Variants in NIPBL observed in about 807,000 individuals in gnomAD.
The protein encoded by NIPBL is NIPBL cohesin loading factor, also known as nipped-B-like protein.
NIPBL carries 19 observed loss-of-function variants against 321.8 expected under a neutral mutation model. The observed-to-expected ratio is 0.06, with a 90% CI of 0.04 to 0.09. The LOEUF is 0.09. NIPBL is among the 10% of genes least tolerant of loss of function. NIPBL has a pLI of 1.00. For missense variants in NIPBL, 2,210 were observed against 3,327.0 expected (o/e 0.66, Z 8.26); for synonymous variants, 1,106 against 1,114.1 (o/e 0.99, Z 0.14).
chr5:36,978,365 T>A (rs1183423165), intron 9 of NIPBL, among the ~76,000 whole-genome samples: 1 of 152,146 alleles, frequency 6.6e-6, no homozygotes, highest in Non-Finnish European at 1.5e-5. Flanking sequence ...GAGCATTTTT[T>A]AAAATGTTTG....
chr5:36,878,671 C>T (rs1745277989), intron 1 of NIPBL, among the ~76,000 whole-genome samples: 1 of 152,142 alleles, frequency 6.6e-6, no homozygotes, highest in Admixed American at 6.5e-5. Flanking sequence ...TTGAGTTTAG[C>T]GTCCTGATTA....
intron 29 of NIPBL, among the ~76,000 whole-genome samples, chr5:37,023,738 T>G (rs1329593259): frequency 6.7e-6 from 1 of 150,134 alleles, no homozygotes; most frequent in East Asian, 1.9e-4. Flanking sequence ...AATTGAAGAC[T>G]ATTTTCTTAT....
chr5:36,903,549 C>G (rs141078959), intron 1 of NIPBL, among the ~76,000 whole-genome samples: 95 of 152,268 alleles, frequency 6.2e-4, no homozygotes, highest in African/African-American at 2.2e-3. Flanking sequence ...TAGGCTTTAT[C>G]TAACTCATCT....
chr5:36,958,030 T>G, intron 3 of NIPBL, 74 bp from the exon 4 acceptor site: 1 of 1,495,438 alleles, frequency 6.7e-7, no homozygotes. Context: ...CCAGTGTGAT[T>G]TACTTTTATA....
intron 44 of NIPBL, among the ~76,000 whole-genome samples, chr5:37,060,401 T>A (rs1754544797): frequency 3.9e-5 from 6 of 152,280 alleles, no homozygotes; most frequent in Admixed American, 3.9e-4. Flanking sequence ...TGGCCTCAAG[T>A]GATCCTCCCA....
intron 1 of NIPBL, among the ~76,000 whole-genome samples, chr5:36,935,945 A>T (rs1738371809): frequency 1.3e-5 from 2 of 152,038 alleles, no homozygotes; most frequent in Non-Finnish European, 2.9e-5. Flanking sequence ...GTGTCATTAG[A>T]TTTAGGGACC....
chr5:36,897,238 G>A (rs1233079843), intron 1 of NIPBL, among the ~76,000 whole-genome samples: 1 of 151,774 alleles, frequency 6.6e-6, no homozygotes. Context: ...TCCTGACCTC[G>A]TGATCCACCT....
intron 42 of NIPBL, 78 bp from the exon 43 acceptor site, chr5:37,057,108 A>AT (rs1754180679): frequency 2.0e-6 from 3 of 1,499,034 alleles, no homozygotes; most frequent in African/African-American, 1.4e-5. Context: ...AGTGCCCTGT[A>AT]TTTTTTCTAA....
intron 10 of NIPBL, 71 bp from the exon 11 acceptor site, chr5:36,995,551 C>A (rs1746045469): frequency 2.0e-6 from 2 of 994,108 alleles, no homozygotes; most frequent in Admixed American, 1.9e-5. Context: ...TTTTATTATG[C>A]TAACTTAGTT....
At position 37,064,885 on chromosome 5, in the gene NIPBL, C is replaced by G. The variant is rs587784058; in HGVS notation, c.8408C>G (p.Ser2803Cys). The change falls in exon 47 of 47, where the codon TCC (serine) becomes TGC (cysteine). Residue 2803 changes from serine (S) to cysteine (C), a missense_variant. Physicochemically the swap from Ser to Cys is moderately radical, Grantham distance 112. Around this residue, in one of 14 missense-constraint regions of NIPBL, gnomAD observed 159 missense variants for 319.2 expected, o/e 0.50. Coordinates refer to ENST00000282516, the MANE Select transcript of NIPBL (RefSeq NM_133433.4). Reference protein sequence around the residue: ...RSLYAAKDGTSS With the variant: ...RSLYAAKDGTCS ...CTGTATGCCGCCAAGGATGGGACTT[C>G]CAGCTAATGAATTTGTACATGCAGC... 6.2e-6 allele frequency: 10 copies of G among 1,613,870 alleles called. No homozygotes were observed. The highest frequency in any genetic ancestry group is 2.7e-5 in the African/African-American group (2 of 74,876).
intron 1 of NIPBL, among the ~76,000 whole-genome samples, chr5:36,948,120 A>T (rs942768115): frequency 2.0e-5 from 3 of 151,792 alleles, no homozygotes; most frequent in Admixed American, 6.6e-5. Flanking sequence ...TGAAATATGT[A>T]CCCCCCTTTA....
intron 9 of NIPBL, among the ~76,000 whole-genome samples, chr5:36,976,901 A>G (rs13163996): frequency 0.11 from 16,120 of 152,090 alleles, 1,136 homozygotes; most frequent in Admixed American, 0.19. Context: ...TTTAGTAAAC[A>G]AATCATGGAA....
intron 16 of NIPBL, among the ~76,000 whole-genome samples, chr5:37,004,138 C>T (rs1043021131): frequency 6.6e-6 from 1 of 152,132 alleles, no homozygotes; most frequent in Admixed American, 6.5e-5. Context: ...GTGTCTGGCA[C>T]ACTTTAACTT....
intron 11 of NIPBL, among the ~76,000 whole-genome samples, chr5:36,998,313 C>A (rs2149665954): frequency 6.6e-6 from 1 of 151,486 alleles, no homozygotes; most frequent in Admixed American, 6.6e-5. Flanking sequence ...CCATTTTTAT[C>A]TAAATTGTCT....
At chr5:36,885,599 A>G in intron 1 of NIPBL, 1 of 534,296 alleles carries the variant, frequency 1.9e-6, no homozygotes, top group Middle Eastern at 3.3e-4. Flanking sequence ...CTTCAAGACC[A>G]TCGAGGATCT....
chr5:36,884,510 C>A (rs1745742501), intron 1 of NIPBL, among the ~76,000 whole-genome samples: 1 of 152,144 alleles, frequency 6.6e-6, no homozygotes, highest in Non-Finnish European at 1.5e-5. Context: ...CTGATCATTC[C>A]ATTTCATAGC....
At position 37,007,184 on chromosome 5, in the gene NIPBL, TAATA is replaced by T. The variant is rs914095572; in HGVS notation, c.4088-132_4088-129del. ...ATCTCTAGAGAGTAATTTTCTATTT[TAATA>T]AATAAAAAGCTTTATCTTCCAGGTT... On this transcript the variant is annotated intron_variant, in intron 17 of 46. Coordinates refer to ENST00000282516, the MANE Select transcript of NIPBL (RefSeq NM_133433.4). 20 of 688,576 alleles carry T rather than the reference TAATA, an allele frequency of 2.9e-5. No homozygotes were observed. In the African/African-American group the frequency reaches 3.4e-4, roughly 12 times the overall value. The allele number at this position is 688,576 out of a possible 1,614,324, so 42.7% of individuals were successfully genotyped here. A position where few individuals can be genotyped will look rare whatever the true frequency, so the allele number is the denominator to read the frequency against.
chr5:37,004,130 G>A (rs1013363709), intron 16 of NIPBL, among the ~76,000 whole-genome samples: 3 of 152,122 alleles, frequency 2.0e-5, no homozygotes, highest in African/African-American at 7.2e-5. Context: ...AGCACTTAGT[G>A]TCTGGCACAC....
At chr5:37,059,579 A>T (rs1050073851) in intron 44 of NIPBL, among the ~76,000 whole-genome samples, 2 of 152,168 alleles carry the variant, frequency 1.3e-5, no homozygotes, top group Non-Finnish European at 2.9e-5. Context: ...TTCCTTTTTT[A>T]AAAAGGAGTT....
Sources: allele counts gnomAD v4.1 joint callset (sites outside exome capture counted in the v4.1 genomes callset), GRCh38; gene constraint gnomAD v4.1.1; regional missense constraint gnomAD v4.1.1; transcripts MANE v1.5; gene names NCBI Gene and HGNC (gene_info 2026-07-23, HGNC 2026-07-21).